The following C3orf22 variants were observed in gnomAD, a reference collection of about 807,000 sequenced individuals.
C3orf22 encodes chromosome 3 open reading frame 22, also known as uncharacterized protein C3orf22.
A neutral mutation model predicts 10.8 loss-of-function variants in C3orf22; 7 were observed. The ratio of observed to expected loss-of-function variants is 0.65; its 90% confidence interval spans 0.37 to 1.22. The LOEUF (loss-of-function observed/expected upper bound fraction) is 1.22, where lower values mean the gene tolerates loss of function less well. Among genes scored for constraint, C3orf22 ranks in the 50% most tolerant of loss-of-function variants. The probability of loss-of-function intolerance (pLI) is 0.02; values close to 1 mark genes in which losing one functional copy is unlikely to be tolerated. For synonymous variants in C3orf22, 79 were observed against 78.9 expected (o/e 1.00, Z 0.00); for missense variants, 173 against 177.0 (o/e 0.98, Z 0.13).
intron 1 of C3orf22, among the ~76,000 whole-genome samples, chr3:126,556,632 T>C (rs933439144): frequency 3.6e-5 from 5 of 138,730 alleles, no homozygotes; most frequent in Middle Eastern, 3.5e-3. Context: ...CTCGCCTCAC[T>C]GACTGCCGTT....
intron 1 of C3orf22, among the ~76,000 whole-genome samples, chr3:126,557,976 G>T (rs1276890194): frequency 6.0e-5 from 1 of 16,728 alleles, no homozygotes. Flanking sequence ...CACAGCCTGG[G>T]CCAGGCCCCA....
At chr3:126,542,220 T>G in intron 4 of C3orf22, 2 of 1,484,208 alleles carry the variant, frequency 1.3e-6, no homozygotes, top group Non-Finnish European at 1.8e-6. Flanking sequence ...GGCCACGACG[T>G]GCGCTTCGCG....
At chr3:126,529,407 C>G (rs1329823356) in intron 4 of C3orf22, 1 of 1,288,476 alleles carries the variant, frequency 7.8e-7, no homozygotes, top group Admixed American at 2.3e-5. Context: ...GGTGTCAGGA[C>G]AAGGGGGCAC....
downstream of C3orf22, among the ~76,000 whole-genome samples, chr3:126,547,882 G>T (rs896578072): frequency 1.3e-5 from 2 of 152,190 alleles, no homozygotes; most frequent in Non-Finnish European, 2.9e-5. Context: ...ACCCAAAAGA[G>T]AATGGACACA....
At chr3:126,557,394 C>T (rs536038746) in intron 1 of C3orf22, among the ~76,000 whole-genome samples, 29 of 152,342 alleles carry the variant, frequency 1.9e-4, no homozygotes, top group East Asian at 1.5e-3. Context: ...CTGGGGAACA[C>T]GGGTAGCCCT....
At chr3:126,536,896 A>AACAC (rs10670471) in intron 4 of C3orf22, among the ~76,000 whole-genome samples, 3,344 of 140,436 alleles carry the variant, frequency 0.024, 76 homozygotes, top group African/African-American at 0.066. Context: ...CACACACACA[A>AACAC]ACACACACAC....
intron 4 of C3orf22, among the ~76,000 whole-genome samples, chr3:126,541,554 G>T (rs1397082987): frequency 6.6e-6 from 1 of 152,180 alleles, no homozygotes; most frequent in Non-Finnish European, 1.5e-5. Flanking sequence ...TCTCGGCCCA[G>T]GACAGATGCC....
At chr3:126,535,604 G>GGACA (rs1936773143) in intron 4 of C3orf22, among the ~76,000 whole-genome samples, 1 of 59,372 alleles carries the variant, frequency 1.7e-5, no homozygotes, top group Non-Finnish European at 3.5e-5. Context: ...GGAGACAGCC[G>GGACA]GACAGCATCA....
rs112722781 is a variant in C3orf22, at chr3:126,536,689, C to T, written c.287-7317G>A. Among the ~76,000 whole-genome samples, 575 of 152,148 alleles carry T rather than the reference C, an allele frequency of 3.8e-3. 2 individuals carry two copies. Among genetic ancestry groups the T allele is most frequent in the African/African-American group, 0.013 (542 of 41,488 alleles). ...GTGGGAGACTAAATCTCAGTGTGTG[C>T]TGCAGTGGGGAGGTGTGCAGGGACC... On this transcript the variant is annotated intron_variant and NMD_transcript_variant, in intron 4 of 5. Transcript: ENST00000505070.
At chr3:126,539,503 A>ACACACACCC (rs113853159) in intron 4 of C3orf22, among the ~76,000 whole-genome samples, 1 of 147,304 alleles carries the variant, frequency 6.8e-6, no homozygotes, top group Non-Finnish European at 1.5e-5. Flanking sequence ...ACCCCACACC[A>ACACACACCC]CACACACCCC....
downstream of C3orf22, chr3:126,549,425 C>T (rs965890884): frequency 4.0e-5 from 16 of 404,438 alleles, 1 homozygote; most frequent in South Asian, 2.4e-4. Context: ...CTAAGATTTC[C>T]GGGAGTAGTT....
intron 1 of C3orf22, among the ~76,000 whole-genome samples, chr3:126,555,388 G>A (rs533283277): frequency 2.6e-5 from 4 of 152,286 alleles, no homozygotes; most frequent in South Asian, 4.1e-4. Context: ...AGGCCAGGAC[G>A]GTACAGTCGC....
intron 1 of C3orf22, among the ~76,000 whole-genome samples, chr3:126,554,262 G>GT (rs772991755): frequency 1.2e-5 from 1 of 80,910 alleles, no homozygotes; most frequent in Non-Finnish European, 2.8e-5. Context: ...TTTTTCTGTT[G>GT]TTTTTTTTTT....
chr3:126,555,223 C>A lies in C3orf22; in HGVS notation c.-40-1793G>T, dbSNP rs572821398. 7.9e-5 allele frequency among the ~76,000 whole-genome samples: 12 copies of A among 152,310 alleles called. 1 individual carries two copies. In the East Asian group the frequency reaches 2.3e-3, roughly 29 times the overall value. On this transcript the variant is annotated intron_variant, in intron 1 of 3. Transcript: ENST00000318225. Reference sequence around the variant, plus strand: ...CTGTCCTCTCTCAGGAAGGCCAGCCCTTTGGTCAAGGTGACCCCTGATGCG... The same window carrying A: ...CTGTCCTCTCTCAGGAAGGCCAGCCATTTGGTCAAGGTGACCCCTGATGCG...
chr3:126,531,952 C>T (rs1276987945), intron 4 of C3orf22, among the ~76,000 whole-genome samples: 2 of 152,228 alleles, frequency 1.3e-5, no homozygotes, highest in African/African-American at 4.8e-5. Flanking sequence ...AATTTCTCCA[C>T]ATCCTTGTTA....
At chr3:126,558,056 G>T (rs1338244018) in intron 1 of C3orf22, among the ~76,000 whole-genome samples, 1 of 152,242 alleles carries the variant, frequency 6.6e-6, no homozygotes, top group Non-Finnish European at 1.5e-5. Flanking sequence ...TGAGGAGTGC[G>T]GGGCAGGGGA....
intron 4 of C3orf22, among the ~76,000 whole-genome samples, chr3:126,536,727 G>A (rs535210164): frequency 2.3e-4 from 35 of 151,928 alleles, no homozygotes; most frequent in African/African-American, 8.2e-4. Flanking sequence ...CAGCCCCGGC[G>A]TGATTCTCAA....
chr3:126,549,645 G>A, downstream of C3orf22: 2 of 1,503,650 alleles, frequency 1.3e-6, no homozygotes, highest in South Asian at 1.2e-5. Context: ...TTTTAGAGAT[G>A]AGAAAATGAA....
chr3:126,545,251 C>T (rs1937048054), downstream of C3orf22, among the ~76,000 whole-genome samples: 1 of 152,250 alleles, frequency 6.6e-6, no homozygotes, highest in Non-Finnish European at 1.5e-5. Context: ...ATTTTAACTT[C>T]CTTGAAATTG....
Sources: allele counts gnomAD v4.1 joint callset (sites outside exome capture counted in the v4.1 genomes callset), GRCh38; gene constraint gnomAD v4.1.1; transcripts MANE v1.5; gene names NCBI Gene and HGNC (gene_info 2026-07-23, HGNC 2026-07-21).